Variants in PPFIA2 observed in about 807,000 individuals in gnomAD.
The protein encoded by PPFIA2 is liprin-alpha-2.
PPFIA2 carries 46 observed loss-of-function variants against 175.5 expected under a neutral mutation model. The observed-to-expected ratio is 0.26, with a 90% CI of 0.21 to 0.34. PPFIA2 has a LOEUF of 0.34. Among genes scored for constraint, PPFIA2 ranks in the 10% least tolerant of loss-of-function variants. The pLI is 1.00. For synonymous variants in PPFIA2, 568 were observed against 511.4 expected (o/e 1.11, Z -1.49); for missense variants, 1,179 against 1,506.1 (o/e 0.78, Z 3.60).
At chr12:81,348,515 A>C (rs1278057015) in intron 17 of PPFIA2, among the ~76,000 whole-genome samples, 3 of 152,110 alleles carry the variant, frequency 2.0e-5, no homozygotes, top group Non-Finnish European at 4.4e-5. Flanking sequence ...AGATGGGTGG[A>C]TCATGAGGTC....
intron 8 of PPFIA2, among the ~76,000 whole-genome samples, chr12:81,385,862 C>CA (rs34624954): frequency 6.6e-6 from 1 of 152,050 alleles, no homozygotes; most frequent in Non-Finnish European, 1.5e-5. Flanking sequence ...GCTCTCACCA[C>CA]AAAAATGATA....
intron 4 of PPFIA2, among the ~76,000 whole-genome samples, chr12:81,470,396 C>T (rs765650352): frequency 1.1e-4 from 16 of 152,124 alleles, no homozygotes; most frequent in Non-Finnish European, 1.9e-4. Flanking sequence ...TTTCACATAA[C>T]CTAGAATGGC....
chr12:81,496,435 G>A (rs895589486), intron 4 of PPFIA2, among the ~76,000 whole-genome samples: 8 of 152,088 alleles, frequency 5.3e-5, no homozygotes, highest in Non-Finnish European at 1.2e-4. Flanking sequence ...AATGGTATTG[G>A]GGTTATAATA....
At chr12:81,495,108 A>T (rs537831896) in intron 4 of PPFIA2, among the ~76,000 whole-genome samples, 104 of 151,974 alleles carry the variant, frequency 6.8e-4, no homozygotes, top group East Asian at 4.1e-3. Context: ...ATAAAATTTT[A>T]AAAAAAAGAA....
chr12:81,341,796 C>T (rs1343245022), intron 19 of PPFIA2, among the ~76,000 whole-genome samples: 1 of 152,048 alleles, frequency 6.6e-6, no homozygotes, highest in Non-Finnish European at 1.5e-5. Flanking sequence ...ATTAAACACA[C>T]ATTTGAACAA....
intron 19 of PPFIA2, among the ~76,000 whole-genome samples, chr12:81,343,086 C>A (rs1442467020): frequency 2.0e-5 from 3 of 151,932 alleles, no homozygotes; most frequent in Non-Finnish European, 4.4e-5. Context: ...TGATTACTTA[C>A]CTGCTCTAAT....
intron 4 of PPFIA2, among the ~76,000 whole-genome samples, chr12:81,674,881 T>C (rs1314933253): frequency 6.6e-6 from 1 of 151,798 alleles, no homozygotes; most frequent in Non-Finnish European, 1.5e-5. Context: ...CTAAAGAAAA[T>C]GACTGTTACA....
At chr12:81,716,550 CAA>C (rs1491511710) in intron 3 of PPFIA2, among the ~76,000 whole-genome samples, 2 of 138,556 alleles carry the variant, frequency 1.4e-5, no homozygotes. Flanking sequence ...TGGAAAGTAC[CAA>C]CACACACACA....
intron 8 of PPFIA2, among the ~76,000 whole-genome samples, chr12:81,402,007 A>G (rs2042167537): frequency 6.6e-6 from 1 of 152,152 alleles, no homozygotes; most frequent in African/African-American, 2.4e-5. Flanking sequence ...ATGAATAATA[A>G]GGCCTATTTC....
At chr12:81,654,258 AC>A (rs551665942) in intron 4 of PPFIA2, among the ~76,000 whole-genome samples, 202 of 152,174 alleles carry the variant, frequency 1.3e-3, no homozygotes, top group African/African-American at 4.4e-3. Context: ...GTTGAAAAAA[AC>A]ATCTATTTTA....
chr12:81,490,874 C>T (rs867991134), intron 4 of PPFIA2, among the ~76,000 whole-genome samples: 22 of 151,940 alleles, frequency 1.4e-4, no homozygotes, highest in African/African-American at 5.3e-4. Context: ...AAGCATACCT[C>T]GTCTATGGAA....
chr12:81,514,747 T>C (rs1204213186), intron 4 of PPFIA2, among the ~76,000 whole-genome samples: 2 of 152,084 alleles, frequency 1.3e-5, no homozygotes, highest in South Asian at 4.1e-4. Context: ...ATGTCTGTTT[T>C]AAAAATTAAA....
At chr12:81,300,803 G>GAT (rs140618215) in intron 22 of PPFIA2, among the ~76,000 whole-genome samples, 4,001 of 151,574 alleles carry the variant, frequency 0.026, 93 homozygotes, top group Admixed American at 0.037. Context: ...CACTGTGACA[G>GAT]ATATATATAT....
chr12:81,262,683 C>T (rs2036006850), intron 31 of PPFIA2, among the ~76,000 whole-genome samples: 1 of 152,174 alleles, frequency 6.6e-6, no homozygotes, highest in African/African-American at 2.4e-5. Flanking sequence ...CTAATGTCCA[C>T]AGAAGGAAAT....
At chr12:81,368,337 G>A (rs949654363) in intron 13 of PPFIA2, among the ~76,000 whole-genome samples, 1 of 151,628 alleles carries the variant, frequency 6.6e-6, no homozygotes, top group African/African-American at 2.4e-5. Context: ...CTGGTGTGTA[G>A]GTATCAGTCA....
Position 81,452,615 on chromosome 12 carries a change from A to T in PPFIA2, c.405+5150T>A, listed in dbSNP as rs374432892. 2.0e-5 allele frequency among the ~76,000 whole-genome samples: 3 copies of T among 152,348 alleles called. No homozygotes were observed. The East Asian group carries it at 5.8e-4, about 29-fold the overall frequency. On this transcript the variant is annotated intron_variant, in intron 5 of 32. Coordinates refer to ENST00000549396, the MANE Select transcript of PPFIA2 (RefSeq NM_003625.5). ...TATATACGCACATGCATGTACACAT[A>T]TGTAGAATCTTTATCTGTTTTCAGC...
intron 15 of PPFIA2, among the ~76,000 whole-genome samples, chr12:81,359,510 G>A (rs1381520772): frequency 1.3e-5 from 2 of 151,516 alleles, no homozygotes; most frequent in Non-Finnish European, 1.5e-5. Flanking sequence ...CTCTTGGGCA[G>A]AGGCTCTAAG....
chr12:81,690,273 G>A (rs1475760412), intron 3 of PPFIA2, among the ~76,000 whole-genome samples: 5 of 152,062 alleles, frequency 3.3e-5, no homozygotes. Context: ...GTGATGACCA[G>A]TATTTCCATA....
chr12:81,359,532 A>C (rs1397477827), intron 15 of PPFIA2, among the ~76,000 whole-genome samples: 2 of 151,892 alleles, frequency 1.3e-5, no homozygotes, highest in African/African-American at 4.8e-5. Flanking sequence ...TTCATGAAGA[A>C]CAAAGATCAG....
Sources: gnomAD v4.1 joint callset for allele counts (sites outside exome capture counted in the v4.1 genomes callset) on GRCh38, gnomAD v4.1.1 for gene constraint, MANE v1.5 for transcripts, NCBI Gene and HGNC (gene_info 2026-07-23, HGNC 2026-07-21) for gene names.